Variants in TCF12 observed in about 807,000 individuals in gnomAD.
TCF12 encodes transcription factor 12.
A neutral mutation model predicts 86.0 loss-of-function variants in TCF12; 45 were observed. The ratio of observed to expected loss-of-function variants is 0.52; its 90% CI spans 0.41 to 0.67. The LOEUF (loss-of-function observed/expected upper bound fraction) is 0.67. Among genes scored for constraint, TCF12 ranks in the 30% least tolerant of loss-of-function variants. The pLI, the probability that TCF12 is intolerant of heterozygous loss-of-function variation, is 0.00. For synonymous variants in TCF12, 330 were observed against 299.6 expected, an observed-to-expected ratio of 1.10 and a Z score of -1.05; for missense variants, 881 against 859.9, an observed-to-expected ratio of 1.02 and a Z score of -0.31.
chr15:56,923,146 T>C (rs1444384900), intron 3 of TCF12, among the ~76,000 whole-genome samples: 3 of 152,094 alleles, frequency 2.0e-5, no homozygotes, highest in Non-Finnish European at 2.9e-5. Flanking sequence ...TTATGAAAAC[T>C]AGAGTTTATA....
chr15:57,231,284 T>C, intron 9 of TCF12, 27 bp downstream of exon 9: 1 of 1,453,608 alleles, frequency 6.9e-7, no homozygotes. Flanking sequence ...AATTGCCAAA[T>C]ACTACTGCAG....
At chr15:56,925,463 T>C (rs945533938) in intron 3 of TCF12, among the ~76,000 whole-genome samples, 8 of 152,154 alleles carry the variant, frequency 5.3e-5, no homozygotes, top group Non-Finnish European at 1.0e-4. Flanking sequence ...CCTTTTGAAA[T>C]GAGAAGATAA....
At chr15:57,061,745 T>G (rs190134983) in intron 3 of TCF12, among the ~76,000 whole-genome samples, 1 of 152,250 alleles carries the variant, frequency 6.6e-6, no homozygotes, top group Non-Finnish European at 1.5e-5. Context: ...CTTACCATTA[T>G]ATGTTCAATA....
chr15:57,088,651 A>G (rs1041907681), intron 4 of TCF12, among the ~76,000 whole-genome samples: 38 of 152,018 alleles, frequency 2.5e-4, no homozygotes, highest in African/African-American at 8.7e-4. Flanking sequence ...CTTTATTCCA[A>G]GTTGTGTAAG....
intron 3 of TCF12, among the ~76,000 whole-genome samples, chr15:57,014,711 C>A (rs961142806): frequency 1.3e-5 from 2 of 152,066 alleles, no homozygotes; most frequent in African/African-American, 4.8e-5. Flanking sequence ...AGAATTATTT[C>A]TGGCTCAACA....
chr15:57,283,994 C>A (rs1367764854), intron 20 of TCF12, among the ~76,000 whole-genome samples: 1 of 152,142 alleles, frequency 6.6e-6, no homozygotes, highest in East Asian at 1.9e-4. Context: ...AAACCTCAAA[C>A]TACCTCCCCC....
At chr15:57,156,106 CA>C (rs1424807062) in intron 5 of TCF12, among the ~76,000 whole-genome samples, 1 of 152,170 alleles carries the variant, frequency 6.6e-6, no homozygotes, top group African/African-American at 2.4e-5. Flanking sequence ...CTAAATGTCT[CA>C]AAATGTATTA....
intron 4 of TCF12, among the ~76,000 whole-genome samples, chr15:57,087,054 T>C (rs1864287769): frequency 1.4e-5 from 2 of 147,316 alleles, no homozygotes; most frequent in African/African-American, 4.9e-5. Flanking sequence ...TCCCTCTGTC[T>C]CCCTCTGTCT....
At chr15:56,977,986 C>T (rs192864002) in intron 3 of TCF12, among the ~76,000 whole-genome samples, 35 of 152,052 alleles carry the variant, frequency 2.3e-4, no homozygotes, top group Non-Finnish European at 4.3e-4. Context: ...CTTTGACAAC[C>T]GCTGCACAAT....
At chr15:56,953,092 T>C in intron 3 of TCF12, among the ~76,000 whole-genome samples, 1 of 152,082 alleles carries the variant, frequency 6.6e-6, no homozygotes, top group East Asian at 1.9e-4. Context: ...CTTTTCTCTG[T>C]CTATTGAGAT....
chr15:57,029,863 C>G (rs1467996858), intron 3 of TCF12, among the ~76,000 whole-genome samples: 4 of 152,178 alleles, frequency 2.6e-5, no homozygotes, highest in Admixed American at 6.5e-5. Flanking sequence ...GCTTCTTTCA[C>G]TAAGCATAAT....
chr15:57,198,760 A>AT (rs1306923444), intron 8 of TCF12, among the ~76,000 whole-genome samples: 2 of 73,594 alleles, frequency 2.7e-5, no homozygotes, highest in African/African-American at 7.0e-5. Flanking sequence ...ATTTGGCAGT[A>AT]CTTAACCCAT....
intron 3 of TCF12, among the ~76,000 whole-genome samples, chr15:56,997,411 C>T (rs1379892384): frequency 3.3e-5 from 5 of 152,068 alleles, no homozygotes; most frequent in African/African-American, 4.8e-5. Flanking sequence ...CAAGTGAGAG[C>T]TAAATATTGG....
intron 5 of TCF12, among the ~76,000 whole-genome samples, chr15:57,149,671 A>G (rs2053605272): frequency 6.6e-6 from 1 of 152,182 alleles, no homozygotes; most frequent in South Asian, 2.1e-4. Context: ...AGTCTCGCTG[A>G]GTAGGATGTT....
chr15:57,154,404 C>T (rs1453693636), intron 5 of TCF12, among the ~76,000 whole-genome samples: 1 of 152,210 alleles, frequency 6.6e-6, no homozygotes, highest in Non-Finnish European at 1.5e-5. Flanking sequence ...TTGGGACCAT[C>T]AGACCCAAGG....
At chr15:56,943,807 A>T (rs2060881907) in intron 3 of TCF12, among the ~76,000 whole-genome samples, 1 of 152,194 alleles carries the variant, frequency 6.6e-6, no homozygotes, top group African/African-American at 2.4e-5. Flanking sequence ...TAGAAAGGGA[A>T]CTGATTCTTG....
intron 3 of TCF12, among the ~76,000 whole-genome samples, chr15:57,056,399 C>T (rs1481314154): frequency 6.6e-6 from 1 of 152,148 alleles, no homozygotes. Context: ...GCCTCAGCCT[C>T]CCGTAGTGCT....
intron 7 of TCF12, 61 bp downstream of exon 7, chr15:57,192,354 A>C: frequency 6.4e-7 from 1 of 1,569,524 alleles, no homozygotes; most frequent in African/African-American, 1.4e-5. Flanking sequence ...TTCCTCCCAT[A>C]ATCTGTACTT....
chr15:57,102,773 A>T (rs796859618), intron 5 of TCF12, among the ~76,000 whole-genome samples: 2 of 152,070 alleles, frequency 1.3e-5, no homozygotes, highest in African/African-American at 4.8e-5. Flanking sequence ...TAGTTAGGTG[A>T]GTTGTTTTTC....
Sources: allele counts gnomAD v4.1 joint callset (sites outside exome capture counted in the v4.1 genomes callset), GRCh38; gene constraint gnomAD v4.1.1; transcripts MANE v1.5; gene names NCBI Gene and HGNC (gene_info 2026-07-23, HGNC 2026-07-21).